FBXL17: variants seen among roughly 807,000 people sequenced by gnomAD.
The protein encoded by FBXL17 is F-box/LRR-repeat protein 17.
FBXL17 carries 22 observed loss-of-function variants against 66.2 expected under a neutral mutation model. The ratio of observed to expected loss-of-function variants is 0.33; its 90% CI spans 0.24 to 0.47. The LOEUF is 0.47. Among genes scored for constraint, FBXL17 ranks in the 20% least tolerant of loss-of-function variants. FBXL17 has a pLI of 1.00. For synonymous variants in FBXL17, 474 were observed against 400.5 expected (o/e 1.18, Z -2.19); for missense variants, 878 against 948.2 (o/e 0.93, Z 0.97).
chr5:108,366,047 T>C (rs1452704218), intron 2 of FBXL17, among the ~76,000 whole-genome samples: 1 of 152,152 alleles, frequency 6.6e-6, no homozygotes, highest in Non-Finnish European at 1.5e-5. Flanking sequence ...ACTTTTACAC[T>C]TGATATCAGA....
intron 7 of FBXL17, among the ~76,000 whole-genome samples, chr5:108,003,784 A>C (rs376016159): frequency 2.6e-4 from 40 of 152,326 alleles, no homozygotes; most frequent in Non-Finnish European, 4.4e-4. Context: ...TGAAAATAAC[A>C]TACATTATAG....
chr5:108,003,907 T>A (rs1580314231), intron 7 of FBXL17, among the ~76,000 whole-genome samples: 1 of 152,210 alleles, frequency 6.6e-6, no homozygotes, highest in Non-Finnish European at 1.5e-5. Flanking sequence ...AAGGCAATGT[T>A]TGAGAAAATA....
chr5:107,888,527 A>G (rs535059573), intron 7 of FBXL17, among the ~76,000 whole-genome samples: 18 of 152,236 alleles, frequency 1.2e-4, no homozygotes, highest in African/African-American at 4.1e-4. Context: ...AGTCACTTCT[A>G]TTCTCCCAAC....
chr5:108,061,034 C>T lies in FBXL17; in HGVS notation c.1746-40033G>A, dbSNP rs189596488. ...AGGCATGGTGGCTCATGCCTGTAAT[C>T]CCAGCACTTTGGGAGGGCAAAGTGG... On this transcript the variant is annotated intron_variant, in intron 6 of 8. Transcript: ENST00000542267. Among the ~76,000 whole-genome samples the T allele has an allele frequency of 4.6e-5, 7 of 152,112 alleles. No individual in the cohort carries two copies. In the East Asian group the frequency reaches 5.8e-4, roughly 13 times the overall value.
intron 8 of FBXL17, among the ~76,000 whole-genome samples, chr5:107,866,938 T>A (rs575598480): frequency 6.6e-6 from 1 of 152,336 alleles, no homozygotes; most frequent in Admixed American, 6.5e-5. Flanking sequence ...CAGATATTCT[T>A]GCTGGTTTTG....
At chr5:108,105,985 C>A (rs565065931) in intron 6 of FBXL17, among the ~76,000 whole-genome samples, 11 of 152,138 alleles carry the variant, frequency 7.2e-5, no homozygotes, top group African/African-American at 2.4e-4. Context: ...GGATCATCGC[C>A]GGAAAGCAAG....
At chr5:108,258,593 T>C (rs917098358) in intron 4 of FBXL17, among the ~76,000 whole-genome samples, 1 of 152,176 alleles carries the variant, frequency 6.6e-6, no homozygotes, top group Non-Finnish European at 1.5e-5. Flanking sequence ...GAGATTAAGT[T>C]GCATATGAAG....
At chr5:108,098,669 C>T (rs1292862294) in intron 6 of FBXL17, among the ~76,000 whole-genome samples, 18 of 148,950 alleles carry the variant, frequency 1.2e-4, no homozygotes, top group African/African-American at 3.7e-4. Context: ...GGCGTGAACC[C>T]GGGAGGCGGC....
intron 6 of FBXL17, among the ~76,000 whole-genome samples, chr5:108,119,685 T>A (rs1164497625): frequency 6.6e-6 from 1 of 152,230 alleles, no homozygotes; most frequent in Non-Finnish European, 1.5e-5. Context: ...ACTTGTTACT[T>A]TACTTAGACA....
Position 107,938,734 on chromosome 5 carries a change from A to G in FBXL17, c.1823-57555T>C, listed in dbSNP as rs145869569. 5.7e-3 allele frequency among the ~76,000 whole-genome samples: 867 copies of G among 152,260 alleles called. 9 individuals are homozygous for G. Among genetic ancestry groups the G allele is most frequent in the African/African-American group, 0.02 (837 of 41,562 alleles). On this transcript the variant is annotated intron_variant, in intron 7 of 8. Transcript: ENST00000542267. ...ACCCGACATTCTCCATATGTTGCCC[A>G]TATGTTATATTTCCATAAACATATC...
intron 7 of FBXL17, among the ~76,000 whole-genome samples, chr5:107,994,763 G>T (rs1050009995): frequency 6.6e-6 from 1 of 152,024 alleles, no homozygotes; most frequent in Non-Finnish European, 1.5e-5. Context: ...CCTTCAACCC[G>T]GGAGGCGGAG....
intron 4 of FBXL17, among the ~76,000 whole-genome samples, chr5:108,304,710 G>A (rs1003048728): frequency 1.3e-5 from 2 of 151,812 alleles, no homozygotes; most frequent in Admixed American, 1.3e-4. Context: ...AAAATGCCTA[G>A]GCACCAAGAA....
At chr5:108,238,657 T>C (rs1318738536) in intron 4 of FBXL17, among the ~76,000 whole-genome samples, 1 of 152,080 alleles carries the variant, frequency 6.6e-6, no homozygotes, top group Non-Finnish European at 1.5e-5. Context: ...ACCACAGGCA[T>C]GCACCACCTT....
intron 8 of FBXL17, among the ~76,000 whole-genome samples, chr5:107,873,660 T>A (rs988600264): frequency 2.0e-5 from 3 of 152,166 alleles, no homozygotes; most frequent in African/African-American, 7.2e-5. Flanking sequence ...GTCAGGTGAT[T>A]AAGAGTTCTG....
chr5:108,049,104 G>T (rs934788563), intron 6 of FBXL17, among the ~76,000 whole-genome samples: 1 of 152,044 alleles, frequency 6.6e-6, no homozygotes, highest in African/African-American at 2.4e-5. Context: ...AGACCTCTCA[G>T]GAGAAACCCT....
At position 108,381,822 on chromosome 5, in the gene FBXL17, ACACACGGG is replaced by A; in HGVS notation, c.-139_-132del. ...TCGCCCTTCCTGCGCACACACACGC[ACACACGGG>A]CACACACGCGACGGTGGGGGGTGGG... On this transcript the variant is annotated 5_prime_UTR_variant, in exon 1 of 9. Transcript: ENST00000542267. 7.7e-7 allele frequency: 1 copy of A among 1,304,976 alleles called. No homozygotes were observed. The highest frequency in any genetic ancestry group is 1.5e-5 in the African/African-American group (1 of 64,762). 80.8% of individuals were successfully genotyped at this position (1,304,976 alleles called of 1,614,324 possible).
At chr5:107,970,493 G>A (rs950790031) in intron 7 of FBXL17, among the ~76,000 whole-genome samples, 1 of 152,064 alleles carries the variant, frequency 6.6e-6, no homozygotes, top group East Asian at 1.9e-4. Flanking sequence ...CGTCTAGTGC[G>A]GTTTTCTTCT....
At chr5:108,205,218 T>G (rs1339128901) in intron 5 of FBXL17, among the ~76,000 whole-genome samples, 2 of 152,124 alleles carry the variant, frequency 1.3e-5, no homozygotes, top group Non-Finnish European at 2.9e-5. Flanking sequence ...TGGCCCAATA[T>G]TTTCACGATT....
chr5:107,917,490 A>C (rs1750169645), intron 7 of FBXL17, among the ~76,000 whole-genome samples: 1 of 152,144 alleles, frequency 6.6e-6, no homozygotes, highest in East Asian at 1.9e-4. Flanking sequence ...CTGCTTCTTA[A>C]TTGTAGCATA....
Sources: allele counts gnomAD v4.1 joint callset (sites outside exome capture counted in the v4.1 genomes callset), GRCh38; gene constraint gnomAD v4.1.1; transcripts MANE v1.5; gene names NCBI Gene and HGNC (gene_info 2026-07-23, HGNC 2026-07-21).